The following ASZ1 variants were observed in gnomAD, a reference collection of about 807,000 sequenced individuals.
ASZ1 encodes the protein ankyrin repeat, SAM and basic leucine zipper domain containing 1.
In ASZ1, 67 loss-of-function variants were observed where a neutral mutation model predicts 61.8. That is an observed-to-expected ratio of 1.08 (90% CI 0.89 to 1.33). ASZ1 has a LOEUF of 1.33. Among genes scored for constraint, ASZ1 ranks in the 40% most tolerant of loss-of-function variants. The pLI, the probability that ASZ1 is intolerant of heterozygous loss-of-function variation, is 0.00. For synonymous variants in ASZ1, 193 were observed against 192.7 expected (o/e 1.00, Z -0.01); for missense variants, 577 against 554.5 (o/e 1.04, Z -0.41).
intron 1 of ASZ1, 34 bp from the exon 2 acceptor site, chr7:117,426,969 A>T (rs1304678666): frequency 1.3e-6 from 2 of 1,556,320 alleles, no homozygotes; most frequent in East Asian, 2.3e-5. Context: ...AATTCTTGTT[A>T]TATATATTTT....
intron 4 of ASZ1, among the ~76,000 whole-genome samples, chr7:117,404,688 G>T (rs961699010): frequency 4.6e-5 from 7 of 152,092 alleles, no homozygotes; most frequent in African/African-American, 1.7e-4. Flanking sequence ...CCAACTCCCA[G>T]AGGAGGTCCT....
At chr7:117,404,306 A>G (rs1796738020) in intron 4 of ASZ1, among the ~76,000 whole-genome samples, 1 of 149,072 alleles carries the variant, frequency 6.7e-6, no homozygotes, top group Admixed American at 6.7e-5. Flanking sequence ...ATTACAGTCT[A>G]ACCCAAACAG....
At chr7:117,407,147 T>C (rs953661561) in intron 4 of ASZ1, among the ~76,000 whole-genome samples, 18 of 152,086 alleles carry the variant, frequency 1.2e-4, no homozygotes, top group Admixed American at 9.8e-4. Flanking sequence ...AAAGGGGAAC[T>C]ATATATTACT....
At chr7:117,383,784 C>T (rs972364269) in intron 6 of ASZ1, among the ~76,000 whole-genome samples, 2 of 151,988 alleles carry the variant, frequency 1.3e-5, no homozygotes, top group African/African-American at 2.4e-5. Context: ...ATCTACTCTA[C>T]ATTTAACAAT....
At chr7:117,389,105 A>G (rs183928708) in intron 4 of ASZ1, among the ~76,000 whole-genome samples, 6 of 152,324 alleles carry the variant, frequency 3.9e-5, no homozygotes, top group Admixed American at 2.6e-4. Flanking sequence ...ATATAAATAC[A>G]GGGTGATGGT....
chr7:117,416,895 T>C (rs1226625812), intron 4 of ASZ1, among the ~76,000 whole-genome samples: 1 of 152,216 alleles, frequency 6.6e-6, no homozygotes, highest in African/African-American at 2.4e-5. Flanking sequence ...ATCTACTCAC[T>C]TGTAGTGTAG....
intron 4 of ASZ1, among the ~76,000 whole-genome samples, chr7:117,394,364 G>A (rs1584730566): frequency 6.6e-6 from 1 of 152,174 alleles, no homozygotes; most frequent in Admixed American, 6.5e-5. Context: ...GATTACAGTG[G>A]TGAGCCAAGC....
intron 4 of ASZ1, among the ~76,000 whole-genome samples, chr7:117,411,187 T>G (rs555057655): frequency 2.0e-5 from 3 of 151,910 alleles, no homozygotes; most frequent in Admixed American, 1.3e-4. Flanking sequence ...AAGGTCCAGG[T>G]AGATTTCCAG....
chr7:117,402,960 A>G lies in ASZ1; in HGVS notation c.441-17151T>C, dbSNP rs1796708518. ...GCTGCAGTTTGTGAGGTAGAAAAAG[A>G]CTTAGCATGATATCATCAATTTAAT... On this transcript the variant is annotated intron_variant, in intron 4 of 12. Transcript: ENST00000284629. Among the ~76,000 whole-genome samples, 12 of 24,840 alleles carry G rather than the reference A, an allele frequency of 4.8e-4. No homozygotes were observed. In the Admixed American group the frequency reaches 6.3e-3, roughly 13 times the overall value. The allele number at this position is 24,840 out of a possible 152,430, so 16.3% of individuals were successfully genotyped here. A position where few individuals can be genotyped will look rare whatever the true frequency, so the allele number is the denominator to read the frequency against.
chr7:117,397,962 C>T (rs894822082), intron 4 of ASZ1, among the ~76,000 whole-genome samples: 8 of 152,254 alleles, frequency 5.3e-5, no homozygotes, highest in Non-Finnish European at 1.0e-4. Context: ...CCTTCATCCA[C>T]ATAGTGGGTA....
intron 11 of ASZ1, chr7:117,367,757 G>T: frequency 1.0e-6 from 1 of 959,714 alleles, no homozygotes; most frequent in Non-Finnish European, 1.3e-6. Context: ...TAAAAATGAT[G>T]ATTCTCATAT....
chr7:117,427,002 A>G lies in ASZ1; in HGVS notation c.106-67T>C. 7 of 1,443,386 alleles carry G rather than the reference A, an allele frequency of 4.8e-6. No homozygotes were observed. The South Asian group carries it at 9.5e-5, about 20-fold the overall frequency. 89.4% of individuals were successfully genotyped at this position (1,443,386 alleles called of 1,614,324 possible). A position where few individuals can be genotyped will look rare whatever the true frequency, so the allele number is the denominator to read the frequency against. ...TTTTGTTTCCACCTCATCAGGAAAC[A>G]ATAATGTTTGGTTAAGTACACAGGT... On this transcript the variant is annotated intron_variant, in intron 1 of 12. Transcript: ENST00000284629.
At chr7:117,397,017 A>C (rs1796588379) in intron 4 of ASZ1, among the ~76,000 whole-genome samples, 1 of 151,546 alleles carries the variant, frequency 6.6e-6, no homozygotes, top group Non-Finnish European at 1.5e-5. Flanking sequence ...CATGTATTAA[A>C]ATAATTAAAT....
intron 4 of ASZ1, among the ~76,000 whole-genome samples, chr7:117,390,556 A>T (rs1796444487): frequency 6.6e-6 from 1 of 152,178 alleles, no homozygotes; most frequent in Admixed American, 6.5e-5. Context: ...TATACTCAGT[A>T]ATGGGATGGC....
chr7:117,421,040 T>C (rs769352796), intron 3 of ASZ1, among the ~76,000 whole-genome samples: 41 of 152,210 alleles, frequency 2.7e-4, no homozygotes, highest in Non-Finnish European at 4.7e-4. Flanking sequence ...AACAGGGTTA[T>C]TGTGGGACAC....
At chr7:117,372,980 A>G (rs866340069) in intron 10 of ASZ1, among the ~76,000 whole-genome samples, 2 of 152,238 alleles carry the variant, frequency 1.3e-5, no homozygotes, top group South Asian at 4.1e-4. Context: ...AGAGTTTCCA[A>G]TTTTAGAATG....
intron 10 of ASZ1, among the ~76,000 whole-genome samples, chr7:117,374,620 CAGTATT>C (rs1338743817): frequency 2.6e-5 from 4 of 151,876 alleles, no homozygotes; most frequent in African/African-American, 7.2e-5. Flanking sequence ...AAATAAAAAA[CAGTATT>C]TGTATTAGTA....
At chr7:117,379,168 T>TATATATACACACAC (rs1161457624) in intron 10 of ASZ1, among the ~76,000 whole-genome samples, 10 of 69,714 alleles carry the variant, frequency 1.4e-4, no homozygotes, top group African/African-American at 4.9e-4. Flanking sequence ...TATATATATA[T>TATATATACACACAC]ACACACACAC....
At chr7:117,427,281 C>A (rs1290892587) in intron 1 of ASZ1, 75 bp downstream of exon 1, 2 of 1,501,284 alleles carry the variant, frequency 1.3e-6, no homozygotes, top group African/African-American at 2.8e-5. Context: ...GGAGGTTTCA[C>A]GAGGCTGGGC....
Sources: gnomAD v4.1 joint callset for allele counts (sites outside exome capture counted in the v4.1 genomes callset) on GRCh38, gnomAD v4.1.1 for gene constraint, MANE v1.5 for transcripts, NCBI Gene and HGNC (gene_info 2026-07-23, HGNC 2026-07-21) for gene names.